Variants in PDE4D observed in about 807,000 individuals in gnomAD.
PDE4D encodes 3',5'-cyclic-AMP phosphodiesterase 4D.
Under a neutral mutation model 87.4 loss-of-function variants are expected in PDE4D, and 24 were observed. The observed-to-expected ratio is 0.27, with a 90% CI of 0.20 to 0.39. PDE4D has a LOEUF of 0.39. PDE4D is among the 10% of genes least tolerant of loss of function. The pLI is 1.00. For synonymous variants in PDE4D, 384 were observed against 383.2 expected (o/e 1.00, Z -0.02); for missense variants, 714 against 1,041.0 (o/e 0.69, Z 4.32).
At chr5:60,227,135 TAA>T (rs34304891) in intron 1 of PDE4D, among the ~76,000 whole-genome samples, 12,166 of 152,148 alleles carry the variant, frequency 0.08, 496 homozygotes, top group Non-Finnish European at 0.097. Flanking sequence ...CTTGAATATT[TAA>T]AGTTTCCCCA....
chr5:60,043,302 AAAAC>A (rs2152870142), intron 2 of PDE4D, among the ~76,000 whole-genome samples: 2 of 152,298 alleles, frequency 1.3e-5, no homozygotes, highest in South Asian at 4.1e-4. Flanking sequence ...CTATGTGAAA[AAAAC>A]AAACTTACGT....
Position 60,353,355 on chromosome 5 carries a change from C to T in PDE4D, c.-90+134587G>A, listed in dbSNP as rs374742763. ...ATACACTCCTCACTGTGTTCCTCAC[C>T]AGCACAGGTGATACCTTACATCCTG... On this transcript the variant is annotated intron_variant, in intron 1 of 16. Transcript: ENST00000502484. Among the ~76,000 whole-genome samples, 32 of 152,340 alleles carry T rather than the reference C, an allele frequency of 2.1e-4. No homozygotes were observed. The East Asian group carries it at 5.8e-3, about 28-fold the overall frequency.
At chr5:59,451,999 G>A (rs867667828) in intron 1 of PDE4D, among the ~76,000 whole-genome samples, 1 of 152,168 alleles carries the variant, frequency 6.6e-6, no homozygotes, top group South Asian at 2.1e-4. Context: ...ATGAGGCCCA[G>A]GACGGCCTTG....
In PDE4D at chr5:59,180,804, G is replaced by A. The variant is rs189412285; in HGVS notation, c.759-160C>T. On this transcript the variant is annotated intron_variant, in intron 4 of 14. Coordinates refer to ENST00000340635, the MANE Select transcript of PDE4D (RefSeq NM_001104631.2). ...AGACTAGCCAGACAAGTCCCTAGGC[G>A]TTCTTTGTATTATGGCTCAGATCAC... 5.3e-5 allele frequency among the ~76,000 whole-genome samples: 8 copies of A among 152,298 alleles called. No homozygotes were observed. In the East Asian group the frequency reaches 5.8e-4, roughly 11 times the overall value.
intron 1 of PDE4D, among the ~76,000 whole-genome samples, chr5:60,380,801 G>T (rs1032340843): frequency 6.6e-6 from 1 of 152,150 alleles, no homozygotes; most frequent in African/African-American, 2.4e-5. Flanking sequence ...ACGAGAAATC[G>T]ACATCACTTA....
intron 3 of PDE4D, among the ~76,000 whole-genome samples, chr5:59,192,187 A>G (rs886189376): frequency 2.6e-5 from 4 of 152,230 alleles, no homozygotes; most frequent in African/African-American, 9.6e-5. Flanking sequence ...GTAGAACTAT[A>G]CATAATCCTA....
chr5:60,017,983 G>C (rs376523374), intron 2 of PDE4D, among the ~76,000 whole-genome samples: 1 of 151,912 alleles, frequency 6.6e-6, no homozygotes, highest in Non-Finnish European at 1.5e-5. Flanking sequence ...TTTAATAATC[G>C]CAATTCTGAC....
Position 59,654,483 on chromosome 5 carries a change from T to A in PDE4D, c.455+238685A>T, listed in dbSNP as rs570171468. ...CATCCTATCTGTAGGTGTTGATTTG[T>A]ATCAGGAAGGTCATGACTGGTTCCT... On this transcript the variant is annotated intron_variant, in intron 1 of 14. Transcript: ENST00000340635. Among the ~76,000 whole-genome samples the A allele has an allele frequency of 7.9e-5, 12 of 152,328 alleles. 1 individual carries two copies. Among genetic ancestry groups the A allele is most frequent in the Non-Finnish European group, 1.5e-4 (10 of 68,016 alleles).
At chr5:60,305,050 C>T (rs1754357740) in intron 1 of PDE4D, among the ~76,000 whole-genome samples, 1 of 137,890 alleles carries the variant, frequency 7.3e-6, no homozygotes, top group African/African-American at 2.5e-5. Context: ...CACACACACA[C>T]ACACACACAC....
intron 2 of PDE4D, among the ~76,000 whole-genome samples, chr5:60,063,334 G>T (rs1771703726): frequency 6.6e-6 from 1 of 152,086 alleles, no homozygotes; most frequent in East Asian, 1.9e-4. Flanking sequence ...GTCTAATTGT[G>T]TCAAGTACAG....
chr5:59,649,929 T>TTTTTTTTTTTTTTTTTTTTTTTTC (rs1743160847), intron 1 of PDE4D, among the ~76,000 whole-genome samples: 2 of 140,068 alleles, frequency 1.4e-5, no homozygotes, highest in Non-Finnish European at 3.1e-5. Context: ...TTTTTTTTTT[T>TTTTTTTTTTTTTTTTTTTTTTTTC]TTTAGCAATG....
At chr5:59,314,280 G>A (rs959818736) in intron 1 of PDE4D, 3 of 152,030 alleles carry the variant, frequency 2.0e-5, no homozygotes, top group African/African-American at 7.2e-5. Flanking sequence ...AACATACAGG[G>A]GATGTGCCCT....
chr5:59,577,427 A>G (rs566604638), intron 1 of PDE4D, among the ~76,000 whole-genome samples: 6 of 152,166 alleles, frequency 3.9e-5, no homozygotes, highest in Middle Eastern at 3.4e-3. Context: ...GTTTCTCTGC[A>G]TTACCTTTAA....
chr5:59,988,865 C>T (rs1762715365), intron 2 of PDE4D: 2 of 458,614 alleles, frequency 4.4e-6, no homozygotes, highest in African/African-American at 4.0e-5. Flanking sequence ...ATTAACTGAA[C>T]AATATTTGAT....
At chr5:60,434,523 A>G (rs543303761) in intron 1 of PDE4D, among the ~76,000 whole-genome samples, 1 of 152,300 alleles carries the variant, frequency 6.6e-6, no homozygotes, top group African/African-American at 2.4e-5. Flanking sequence ...GGCAAAAGTA[A>G]GAAAGATTTA....
chr5:59,516,376 C>T (rs1169621803), intron 1 of PDE4D, among the ~76,000 whole-genome samples: 1 of 152,162 alleles, frequency 6.6e-6, no homozygotes, highest in Non-Finnish European at 1.5e-5. Flanking sequence ...ACACCATCAC[C>T]ACTCCACCAA....
At chr5:59,346,908 C>A (rs1398064199) in intron 1 of PDE4D, among the ~76,000 whole-genome samples, 2 of 152,164 alleles carry the variant, frequency 1.3e-5, no homozygotes, top group Non-Finnish European at 2.9e-5. Context: ...ATGTTTTCAT[C>A]TTTTAGTTCA....
chr5:59,724,878 A>C (rs182493809), intron 1 of PDE4D, among the ~76,000 whole-genome samples: 6 of 152,236 alleles, frequency 3.9e-5, no homozygotes, highest in Admixed American at 3.9e-4. Flanking sequence ...AACAACATTA[A>C]ATTGCCATTT....
chr5:59,051,389 C>G (rs1761529380), intron 5 of PDE4D, among the ~76,000 whole-genome samples: 1 of 152,096 alleles, frequency 6.6e-6, no homozygotes, highest in African/African-American at 2.4e-5. Flanking sequence ...AATAGAATAG[C>G]TTTTACAAGA....
Sources: gnomAD v4.1 joint callset for allele counts (sites outside exome capture counted in the v4.1 genomes callset) on GRCh38, gnomAD v4.1.1 for gene constraint, MANE v1.5 for transcripts, NCBI Gene and HGNC (gene_info 2026-07-23, HGNC 2026-07-21) for gene names.